Variants in RERG observed in about 807,000 individuals in gnomAD.
RERG encodes ras-related and estrogen-regulated growth inhibitor.
RERG carries 25 observed loss-of-function variants against 23.2 expected under a neutral mutation model. The observed-to-expected ratio is 1.08, with a 90% confidence interval of 0.79 to 1.50. The LOEUF (loss-of-function observed/expected upper bound fraction) is 1.50. Among genes scored for constraint, RERG ranks in the 40% most tolerant of loss-of-function variants. RERG has a pLI of 0.00. For synonymous variants in RERG, 81 were observed against 89.1 expected, an observed-to-expected ratio of 0.91 and a Z score of 0.51; for missense variants, 253 against 250.1, an observed-to-expected ratio of 1.01 and a Z score of -0.08.
At chr12:15,212,361 G>T (rs1182494741) in intron 2 of RERG, among the ~76,000 whole-genome samples, 2 of 151,760 alleles carry the variant, frequency 1.3e-5, no homozygotes, top group Non-Finnish European at 2.9e-5. Flanking sequence ...GCCCGGCCAC[G>T]AATAAACTTT....
At chr12:15,191,402 A>G (rs1865069162) in intron 2 of RERG, among the ~76,000 whole-genome samples, 1 of 152,108 alleles carries the variant, frequency 6.6e-6, no homozygotes, top group Non-Finnish European at 1.5e-5. Context: ...CACTCACTAT[A>G]GTGTCAGGGC....
chr12:15,161,225 A>G (rs893957618), intron 2 of RERG, among the ~76,000 whole-genome samples: 6 of 125,078 alleles, frequency 4.8e-5, no homozygotes, highest in Admixed American at 2.8e-4. Flanking sequence ...AAAGAAAGAA[A>G]GAAACAGGGG....
chr12:15,188,399 C>A (rs975764277), intron 2 of RERG, among the ~76,000 whole-genome samples: 5 of 152,110 alleles, frequency 3.3e-5, no homozygotes, highest in Admixed American at 2.0e-4. Context: ...GAAAGTTACA[C>A]AAACACACAA....
intron 3 of RERG, among the ~76,000 whole-genome samples, chr12:15,120,574 T>C (rs1863812794): frequency 6.6e-6 from 1 of 152,168 alleles, no homozygotes; most frequent in Admixed American, 6.5e-5. Context: ...ACAGACATCA[T>C]ATTTTGCTGC....
At chr12:15,177,380 G>C (rs1267922235) in intron 2 of RERG, among the ~76,000 whole-genome samples, 1 of 152,172 alleles carries the variant, frequency 6.6e-6, no homozygotes, top group Non-Finnish European at 1.5e-5. Context: ...TCGAACCCAG[G>C]AGGTGGAGGT....
intron 3 of RERG, among the ~76,000 whole-genome samples, chr12:15,116,992 A>T (rs1342980758): frequency 6.6e-6 from 1 of 152,194 alleles, no homozygotes; most frequent in African/African-American, 2.4e-5. Flanking sequence ...TGAGGCATTA[A>T]AAGTTACACT....
intron 2 of RERG, among the ~76,000 whole-genome samples, chr12:15,139,819 G>A (rs10846149): frequency 2.0e-5 from 3 of 151,732 alleles, no homozygotes; most frequent in African/African-American, 7.3e-5. Flanking sequence ...TTTCCTGTCT[G>A]ATTACACTAG....
chr12:15,153,695 T>C (rs1301429714), intron 2 of RERG, among the ~76,000 whole-genome samples: 3 of 152,198 alleles, frequency 2.0e-5, no homozygotes, highest in Non-Finnish European at 4.4e-5. Context: ...AGGGAAATTG[T>C]ATGATTTGCA....
chr12:15,183,996 C>T (rs1864958719), intron 2 of RERG, among the ~76,000 whole-genome samples: 1 of 152,234 alleles, frequency 6.6e-6, no homozygotes, highest in East Asian at 1.9e-4. Context: ...AAAAGTAAAA[C>T]GTGTGATGCG....
At chr12:15,140,794 A>G (rs1864225534) in intron 2 of RERG, among the ~76,000 whole-genome samples, 1 of 152,110 alleles carries the variant, frequency 6.6e-6, no homozygotes, top group Admixed American at 6.6e-5. Context: ...CTCTATAAGA[A>G]AGATCTTCCC....
intron 2 of RERG, among the ~76,000 whole-genome samples, chr12:15,196,020 T>C (rs1251712642): frequency 6.6e-6 from 1 of 152,108 alleles, no homozygotes. Context: ...TCCAAAACAA[T>C]ACCCCAAAGC....
At position 15,185,804 on chromosome 12, in the gene RERG, C is replaced by T. The variant is rs557690120; in HGVS notation, c.61+31625G>A. ...AATTTACCCATATAACAAACCTGCA[C>T]GTGTATCCCCTAAACAAAAACAAAA... On this transcript the variant is annotated intron_variant, in intron 2 of 4. Coordinates refer to ENST00000256953, the MANE Select transcript of RERG (RefSeq NM_032918.3). Among the ~76,000 whole-genome samples, 285 of 151,154 alleles carry T rather than the reference C, an allele frequency of 1.9e-3. 1 individual carries two copies. The highest frequency in any genetic ancestry group is 6.7e-3 in the African/African-American group (277 of 41,130).
chr12:15,217,106 TAGAGA>T (rs1358335137), intron 2 of RERG: 1 of 228,298 alleles, frequency 4.4e-6, no homozygotes, highest in Non-Finnish European at 8.6e-6. Context: ...ATCTCATACA[TAGAGA>T]AAAGAACAAA....
intron 2 of RERG, among the ~76,000 whole-genome samples, chr12:15,182,346 C>T (rs1205181367): frequency 1.3e-5 from 2 of 152,156 alleles, no homozygotes; most frequent in African/African-American, 4.8e-5. Context: ...GTGTTAGCCA[C>T]CGTGCCCGGC....
chr12:15,173,894 G>A (rs1864810221), intron 2 of RERG, among the ~76,000 whole-genome samples: 1 of 151,894 alleles, frequency 6.6e-6, no homozygotes, highest in Non-Finnish European at 1.5e-5. Context: ...ACATGATGAT[G>A]TTGTCTGCAA....
intron 2 of RERG, among the ~76,000 whole-genome samples, chr12:15,166,327 C>T (rs527397208): frequency 6.6e-5 from 10 of 152,320 alleles, no homozygotes; most frequent in Admixed American, 2.0e-4. Context: ...AATATTCACA[C>T]AATTCATCCA....
intron 2 of RERG, among the ~76,000 whole-genome samples, chr12:15,156,905 G>C (rs1359704488): frequency 6.6e-6 from 1 of 152,164 alleles, no homozygotes; most frequent in Non-Finnish European, 1.5e-5. Context: ...GATAAAAATA[G>C]TGCCTATCTC....
At chr12:15,161,798 T>C (rs1864619554) in intron 2 of RERG, among the ~76,000 whole-genome samples, 1 of 152,206 alleles carries the variant, frequency 6.6e-6, no homozygotes, top group African/African-American at 2.4e-5. Context: ...AAACATATTG[T>C]TGACCATTTA....
chr12:15,152,674 C>T (rs1057213598), intron 2 of RERG, among the ~76,000 whole-genome samples: 2 of 152,000 alleles, frequency 1.3e-5, no homozygotes, highest in African/African-American at 4.8e-5. Context: ...CCTGTGGTTT[C>T]GCATGGACTA....
Sources: gnomAD v4.1 joint callset for allele counts (sites outside exome capture counted in the v4.1 genomes callset) on GRCh38, gnomAD v4.1.1 for gene constraint, MANE v1.5 for transcripts, NCBI Gene and HGNC (gene_info 2026-07-23, HGNC 2026-07-21) for gene names.